Variants in SGCZ observed in about 807,000 individuals in gnomAD.
SGCZ encodes the protein sarcoglycan zeta.
In SGCZ, 40 loss-of-function variants were observed where a neutral mutation model predicts 41.3. The observed-to-expected ratio is 0.97, with a 90% confidence interval of 0.75 to 1.26. The LOEUF (loss-of-function observed/expected upper bound fraction) is 1.26, where lower values mean the gene tolerates loss of function less well. SGCZ is among the 50% of genes most tolerant of loss of function. The probability of loss-of-function intolerance (pLI) is 0.00; values close to 1 mark genes in which losing one functional copy is unlikely to be tolerated. For missense variants in SGCZ, 552 were observed against 369.8 expected (o/e 1.49, Z -4.04); for synonymous variants, 206 against 137.5 (o/e 1.50, Z -3.49).
At chr8:14,209,353 C>T (rs1212611575) in intron 4 of SGCZ, among the ~76,000 whole-genome samples, 1 of 151,818 alleles carries the variant, frequency 6.6e-6, no homozygotes, top group African/African-American at 2.4e-5. Context: ...CTTTCTTTCG[C>T]CTGTTAAACT....
At chr8:14,410,540 TAAAAA>T (rs10602435) in intron 2 of SGCZ, among the ~76,000 whole-genome samples, 4 of 142,252 alleles carry the variant, frequency 2.8e-5, no homozygotes, top group African/African-American at 7.5e-5. Flanking sequence ...TAAGTTAATA[TAAAAA>T]AAAAAAAACA....
intron 2 of SGCZ, among the ~76,000 whole-genome samples, chr8:14,513,357 C>A (rs1418895686): frequency 6.6e-6 from 1 of 151,676 alleles, no homozygotes; most frequent in South Asian, 2.1e-4. Flanking sequence ...AGTTTAAACA[C>A]GAAAAAGTAT....
rs193045134 is a variant in SGCZ at position 14,175,122 on chromosome 8, A to G, written c.425-10420T>C. Among the ~76,000 whole-genome samples, 832 of 152,252 alleles carry G rather than the reference A, an allele frequency of 5.5e-3. 9 individuals carry two copies. The highest frequency in any genetic ancestry group is 0.019 in the African/African-American group (783 of 41,558). On this transcript the variant is annotated intron_variant, in intron 4 of 7. Transcript: ENST00000382080. ...TTGAGGGGCATATCATTCAACCTAT[A>G]AAATGTGTCTTCAATGCCCTAGAAG...
At chr8:14,233,317 G>C (rs1242163264) in intron 4 of SGCZ, among the ~76,000 whole-genome samples, 2 of 151,680 alleles carry the variant, frequency 1.3e-5, no homozygotes, top group African/African-American at 2.4e-5. Flanking sequence ...AGCCATGCTG[G>C]CTAAGTTTTT....
At chr8:15,142,566 A>G (rs1299159365) in intron 1 of SGCZ, among the ~76,000 whole-genome samples, 2 of 152,072 alleles carry the variant, frequency 1.3e-5, no homozygotes, top group African/African-American at 2.4e-5. Flanking sequence ...GGCAAGAGAC[A>G]TCATGTAAAT....
intron 1 of SGCZ, among the ~76,000 whole-genome samples, chr8:15,225,342 T>C (rs111450221): frequency 0.02 from 3,058 of 152,244 alleles, 115 homozygotes; most frequent in African/African-American, 0.068. Flanking sequence ...TTCCTAGGAC[T>C]AGTTTACTGG....
At chr8:14,384,820 G>A (rs1410797079) in intron 2 of SGCZ, among the ~76,000 whole-genome samples, 1 of 152,182 alleles carries the variant, frequency 6.6e-6, no homozygotes, top group Admixed American at 6.5e-5. Context: ...CAGAGTGCTA[G>A]GGTTACAAGC....
At chr8:14,422,146 C>A (rs904291686) in intron 2 of SGCZ, among the ~76,000 whole-genome samples, 1 of 152,070 alleles carries the variant, frequency 6.6e-6, no homozygotes, top group African/African-American at 2.4e-5. Context: ...AAACACAAAT[C>A]TATCTAAAAA....
chr8:14,698,138 A>C (rs1809025074), intron 1 of SGCZ, among the ~76,000 whole-genome samples: 1 of 152,016 alleles, frequency 6.6e-6, no homozygotes, highest in Non-Finnish European at 1.5e-5. Context: ...TAGCAGTCAA[A>C]CAAAATATAG....
At chr8:14,542,987 C>G (rs1261113427) in intron 2 of SGCZ, among the ~76,000 whole-genome samples, 2 of 151,742 alleles carry the variant, frequency 1.3e-5, no homozygotes, top group Non-Finnish European at 2.9e-5. Flanking sequence ...AGGGGGAAAA[C>G]CAGTGATTGT....
chr8:15,068,419 C>T (rs192012788), intron 1 of SGCZ, among the ~76,000 whole-genome samples: 343 of 152,248 alleles, frequency 2.3e-3, no homozygotes, highest in African/African-American at 7.0e-3. Context: ...TTGAGCAGAG[C>T]ACTTAACCAT....
intron 2 of SGCZ, among the ~76,000 whole-genome samples, chr8:14,541,233 A>G (rs974247347): frequency 1.1e-4 from 16 of 151,904 alleles, no homozygotes; most frequent in Non-Finnish European, 2.2e-4. Flanking sequence ...TGCTGCACCT[A>G]TCAACCCAAG....
At chr8:15,146,432 G>A (rs1270086609) in intron 1 of SGCZ, among the ~76,000 whole-genome samples, 1 of 152,154 alleles carries the variant, frequency 6.6e-6, no homozygotes, top group Non-Finnish European at 1.5e-5. Flanking sequence ...GTGGCTAACA[G>A]GAATGATCAT....
chr8:14,808,802 T>C (rs1304400210), intron 1 of SGCZ, among the ~76,000 whole-genome samples: 1 of 151,898 alleles, frequency 6.6e-6, no homozygotes, highest in African/African-American at 2.4e-5. Context: ...GTGGCACTAT[T>C]CACAATAGCA....
rs761275107 is a variant in SGCZ, at chr8:14,532,360, G to A, written c.234+22372C>T. On this transcript the variant is annotated intron_variant, in intron 2 of 7. Coordinates refer to ENST00000382080, the MANE Select transcript of SGCZ (RefSeq NM_139167.4). ...TGGTAAAGCTAACTAGTGGTCTTTAGCAGGTAGAAAGTGGATAATGGTCTT... is the reference window on the plus strand; with the variant it reads ...TGGTAAAGCTAACTAGTGGTCTTTAACAGGTAGAAAGTGGATAATGGTCTT... Among the ~76,000 whole-genome samples the A allele has an allele frequency of 3.9e-5, 6 of 152,154 alleles. No homozygotes were observed. The East Asian group carries it at 1.2e-3, about 30-fold the overall frequency.
intron 1 of SGCZ, among the ~76,000 whole-genome samples, chr8:14,948,910 G>T (rs1800540683): frequency 6.6e-6 from 1 of 151,294 alleles, no homozygotes; most frequent in African/African-American, 2.4e-5. Flanking sequence ...AATTCCCCTT[G>T]AAAGCCAGGA....
At chr8:14,297,340 G>A (rs1039941809) in intron 3 of SGCZ, among the ~76,000 whole-genome samples, 1 of 151,744 alleles carries the variant, frequency 6.6e-6, no homozygotes, top group Admixed American at 6.6e-5. Context: ...AATAAACAAT[G>A]TTTTCTAAGA....
intron 2 of SGCZ, among the ~76,000 whole-genome samples, chr8:14,356,655 G>C (rs1484842958): frequency 6.6e-6 from 1 of 151,800 alleles, no homozygotes; most frequent in Non-Finnish European, 1.5e-5. Context: ...CCCATATGAA[G>C]CAAACCAACT....
chr8:15,106,076 T>C (rs531835090), intron 1 of SGCZ, among the ~76,000 whole-genome samples: 3 of 152,320 alleles, frequency 2.0e-5, no homozygotes, highest in South Asian at 2.1e-4. Flanking sequence ...CATTACAATA[T>C]GCTGTAATAT....
Sources: gnomAD v4.1 joint callset for allele counts (sites outside exome capture counted in the v4.1 genomes callset) on GRCh38, gnomAD v4.1.1 for gene constraint, MANE v1.5 for transcripts, NCBI Gene and HGNC (gene_info 2026-07-23, HGNC 2026-07-21) for gene names.